The following GRIK2 variants were observed in gnomAD, a reference collection of about 807,000 sequenced individuals.
The protein encoded by GRIK2 is glutamate ionotropic receptor kainate type subunit 2.
Under a neutral mutation model 100.3 loss-of-function variants are expected in GRIK2, and 32 were observed. The ratio of observed to expected loss-of-function variants is 0.32; its 90% CI spans 0.24 to 0.43. The LOEUF (loss-of-function observed/expected upper bound fraction) is 0.43. Among genes scored for constraint, GRIK2 ranks in the 20% least tolerant of loss-of-function variants. The pLI is 1.00. For synonymous variants in GRIK2, 417 were observed against 389.4 expected (o/e 1.07, Z -0.83); for missense variants, 843 against 1,114.9 (o/e 0.76, Z 3.47).
At chr6:101,728,065 T>G (rs1377335540) in intron 7 of GRIK2, among the ~76,000 whole-genome samples, 1 of 152,042 alleles carries the variant, frequency 6.6e-6, no homozygotes, top group Non-Finnish European at 1.5e-5. Context: ...TTTAAAATAA[T>G]TCATATAATT....
intron 7 of GRIK2, among the ~76,000 whole-genome samples, chr6:101,793,948 G>T (rs1030729342): frequency 3.3e-5 from 5 of 152,154 alleles, no homozygotes; most frequent in African/African-American, 1.2e-4. Flanking sequence ...CTGCCGCGTT[G>T]CAGTTTGATC....
chr6:101,424,452 G>A (rs1776590406), intron 2 of GRIK2, among the ~76,000 whole-genome samples: 1 of 151,332 alleles, frequency 6.6e-6, no homozygotes, highest in Non-Finnish European at 1.5e-5. Flanking sequence ...AGTTTGCTAA[G>A]AATGATGGTT....
At chr6:101,490,076 CAG>C (rs1163511554) in intron 2 of GRIK2, among the ~76,000 whole-genome samples, 1 of 146,142 alleles carries the variant, frequency 6.8e-6, no homozygotes, top group Non-Finnish European at 1.5e-5. Context: ...TAAAAAGACA[CAG>C]AGGATACAGC....
chr6:101,601,013 G>A (rs561567595), intron 2 of GRIK2, among the ~76,000 whole-genome samples: 1 of 151,896 alleles, frequency 6.6e-6, no homozygotes, highest in African/African-American at 2.4e-5. Context: ...CAGTTCTTAT[G>A]GGGAATGGTT....
intron 9 of GRIK2, among the ~76,000 whole-genome samples, chr6:101,812,031 A>G (rs1187760103): frequency 6.6e-6 from 1 of 151,496 alleles, no homozygotes; most frequent in Non-Finnish European, 1.5e-5. Flanking sequence ...TATTTAAAAT[A>G]CTTATAAAAT....
intron 14 of GRIK2, among the ~76,000 whole-genome samples, chr6:101,962,812 T>C (rs1003146002): frequency 7.2e-5 from 11 of 152,134 alleles, no homozygotes; most frequent in African/African-American, 2.7e-4. Context: ...ATATATTTTT[T>C]ATATCTAGTG....
At chr6:101,924,771 TG>T in intron 13 of GRIK2, 52 bp downstream of exon 13, 2 of 1,113,040 alleles carry the variant, frequency 1.8e-6, no homozygotes, top group Non-Finnish European at 2.8e-6. Context: ...CACTCTTTGC[TG>T]GGGGTGACAG....
intron 7 of GRIK2, among the ~76,000 whole-genome samples, chr6:101,774,728 T>G (rs113133887): frequency 1.1e-3 from 174 of 152,320 alleles, no homozygotes; most frequent in African/African-American, 4.0e-3. Flanking sequence ...AGTGAAGAGT[T>G]TCTGTACATG....
rs1301941528 is a variant in GRIK2, at chr6:101,626,510, G to A, written c.414G>A (p.Val138=). 2.2e-5 allele frequency: 35 copies of A among 1,613,814 alleles called. No individual in the cohort carries two copies. The highest frequency in any genetic ancestry group is 2.8e-5 in the Non-Finnish European group (33 of 1,179,940). The change falls in exon 4 of 17, where the codon GTG becomes GTA. Residue 138 remains valine (V), a synonymous_variant. Coordinates refer to ENST00000369134, the MANE Select transcript of GRIK2 (RefSeq NM_021956.5). ...PHIQTRWKHQ[V]SDNKDSFYVS... is the part of the protein sequence containing the mutation. ...TACAGACCCGCTGGAAGCACCAGGT[G>A]TCAGACAACAAAGATTCCTTCTATG...
intron 15 of GRIK2, among the ~76,000 whole-genome samples, chr6:102,051,261 C>CT (rs1771173517): frequency 6.1e-5 from 4 of 65,146 alleles, no homozygotes; most frequent in Non-Finnish European, 1.0e-4. Context: ...CCCTTCCTTC[C>CT]TTCCTTCCTT....
At chr6:101,967,620 C>A (rs376224788) in intron 14 of GRIK2, among the ~76,000 whole-genome samples, 2 of 151,978 alleles carry the variant, frequency 1.3e-5, no homozygotes, top group Non-Finnish European at 2.9e-5. Flanking sequence ...AAAGTGAACA[C>A]GAAAACCCAA....
intron 2 of GRIK2, among the ~76,000 whole-genome samples, chr6:101,511,985 A>G (rs577524270): frequency 4.1e-4 from 63 of 152,036 alleles, no homozygotes; most frequent in African/African-American, 1.5e-3. Flanking sequence ...GGTCTCCAGA[A>G]GTATCATTTA....
intron 9 of GRIK2, among the ~76,000 whole-genome samples, chr6:101,817,241 C>T (rs1010640615): frequency 2.6e-5 from 4 of 152,110 alleles, no homozygotes; most frequent in African/African-American, 7.2e-5. Flanking sequence ...AAATTAACTC[C>T]ATATGAGGAA....
chr6:101,456,558 C>T lies in GRIK2; in HGVS notation c.115+57166C>T, dbSNP rs9485500. Among the ~76,000 whole-genome samples, 194 of 152,058 alleles carry T rather than the reference C, an allele frequency of 1.3e-3. 1 individual carries two copies. The highest frequency in any genetic ancestry group is 4.5e-3 in the African/African-American group (187 of 41,520). ...TATCCATTGTACCTACAAAATAATACATGGCACATAAGTAAATGCTCAAAA... is the reference window on the plus strand; with the variant it reads ...TATCCATTGTACCTACAAAATAATATATGGCACATAAGTAAATGCTCAAAA... On this transcript the variant is annotated intron_variant, in intron 2 of 16. Coordinates refer to ENST00000369134, the MANE Select transcript of GRIK2 (RefSeq NM_021956.5).
At chr6:102,020,161 CT>C (rs1300017969) in intron 14 of GRIK2, among the ~76,000 whole-genome samples, 1 of 151,734 alleles carries the variant, frequency 6.6e-6, no homozygotes, top group Non-Finnish European at 1.5e-5. Flanking sequence ...GCTAAGAAAA[CT>C]CTTAGACCTT....
intron 1 of GRIK2, among the ~76,000 whole-genome samples, chr6:101,397,335 A>G (rs1304787824): frequency 6.6e-6 from 1 of 152,234 alleles, no homozygotes; most frequent in African/African-American, 2.4e-5. Context: ...AGCAAATAGA[A>G]GACAGAACGT....
chr6:101,502,510 G>T (rs1010586831), intron 2 of GRIK2, among the ~76,000 whole-genome samples: 1 of 151,942 alleles, frequency 6.6e-6, no homozygotes, highest in Non-Finnish European at 1.5e-5. Context: ...GAAAATAAAT[G>T]ATTTAGACAA....
chr6:101,797,357 G>T (rs1204541560), intron 7 of GRIK2, among the ~76,000 whole-genome samples: 1 of 151,800 alleles, frequency 6.6e-6, no homozygotes, highest in East Asian at 1.9e-4. Context: ...GTGGCCAAAA[G>T]CATTCCTGAA....
At chr6:101,729,450 G>A (rs995585238) in intron 7 of GRIK2, among the ~76,000 whole-genome samples, 11 of 151,990 alleles carry the variant, frequency 7.2e-5, no homozygotes, top group Middle Eastern at 3.4e-3. Flanking sequence ...GTTCCATGGA[G>A]TATGTATAGA....
Sources: gnomAD v4.1 joint callset for allele counts (sites outside exome capture counted in the v4.1 genomes callset) on GRCh38, gnomAD v4.1.1 for gene constraint, MANE v1.5 for transcripts, NCBI Gene and HGNC (gene_info 2026-07-23, HGNC 2026-07-21) for gene names.